The following TGFBR3 variants were observed in gnomAD, a reference collection of about 807,000 sequenced individuals.
TGFBR3 encodes transforming growth factor beta receptor type 3.
TGFBR3 carries 46 observed loss-of-function variants against 87.9 expected under a neutral mutation model. The observed-to-expected ratio is 0.52, with a 90% CI of 0.41 to 0.67. TGFBR3 has a LOEUF of 0.67. Ranked by LOEUF, TGFBR3 falls within the 30% of genes least tolerant of loss-of-function variation. The pLI, the probability that TGFBR3 is intolerant of heterozygous loss-of-function variation, is 0.00. For synonymous variants in TGFBR3, 381 were observed against 391.6 expected (o/e 0.97, Z 0.32); for missense variants, 866 against 1,041.9 (o/e 0.83, Z 2.32).
chr1:91,730,089 A>C, intron 5 of TGFBR3, 116 bp from the exon 6 acceptor site: 11 of 1,172,186 alleles, frequency 9.4e-6, no homozygotes, highest in Non-Finnish European at 1.3e-5. Flanking sequence ...CCACGAGCTC[A>C]AAGGATGGTT....
chr1:91,894,313 T>C (rs1222393457), intron 2 of TGFBR3, among the ~76,000 whole-genome samples: 3 of 152,196 alleles, frequency 2.0e-5, no homozygotes, highest in Non-Finnish European at 2.9e-5. Flanking sequence ...CTCAGATTTC[T>C]TTCTTTCCTG....
At chr1:91,720,355 T>C in intron 8 of TGFBR3, 125 bp from the exon 9 acceptor site, 1 of 911,812 alleles carries the variant, frequency 1.1e-6, no homozygotes, top group Admixed American at 2.0e-5. Flanking sequence ...TAATAAGCAG[T>C]GCATAAAGGT....
At chr1:91,886,297 TCCTCCCGCCTCCCG>T (rs778643634), upstream of TGFBR3, 9 of 394,242 alleles carry the variant, frequency 2.3e-5, no homozygotes, top group Non-Finnish European at 3.5e-5. Context: ...CAGAAACTCC[TCCTCCCGCCTCCCG>T]CCTCCCGCCT....
At chr1:91,750,472 C>T (rs1673499527) in intron 4 of TGFBR3, among the ~76,000 whole-genome samples, 1 of 152,068 alleles carries the variant, frequency 6.6e-6, no homozygotes, top group South Asian at 2.1e-4. Context: ...TTGACTGACC[C>T]TAGTTCATGA....
intron 2 of TGFBR3, among the ~76,000 whole-genome samples, chr1:91,897,713 A>C (rs2101343393): frequency 6.6e-6 from 1 of 152,346 alleles, no homozygotes; most frequent in South Asian, 2.1e-4. Flanking sequence ...CGAAATGTGC[A>C]CAACATACCA....
chr1:91,763,196 G>A (rs542888959), intron 3 of TGFBR3, among the ~76,000 whole-genome samples: 1 of 152,338 alleles, frequency 6.6e-6, no homozygotes, highest in South Asian at 2.1e-4. Context: ...TAATATAGAT[G>A]CAAGGCATTT....
intron 2 of TGFBR3, among the ~76,000 whole-genome samples, chr1:91,895,473 C>G (rs2101339451): frequency 6.6e-6 from 1 of 152,104 alleles, no homozygotes; most frequent in African/African-American, 2.4e-5. Context: ...TTATAAATTA[C>G]CCAGTATCAG....
intron 4 of TGFBR3, among the ~76,000 whole-genome samples, chr1:91,739,778 C>T (rs1673093185): frequency 6.6e-6 from 1 of 152,196 alleles, no homozygotes; most frequent in Non-Finnish European, 1.5e-5. Flanking sequence ...GTTTAATTGG[C>T]TCATGGTTCC....
At chr1:91,756,832 T>G (rs1673763634) in intron 4 of TGFBR3, among the ~76,000 whole-genome samples, 1 of 152,212 alleles carries the variant, frequency 6.6e-6, no homozygotes, top group Non-Finnish European at 1.5e-5. Flanking sequence ...TTTTAAAACC[T>G]TGCCACATTT....
intron 2 of TGFBR3, among the ~76,000 whole-genome samples, chr1:91,798,063 A>G (rs948907602): frequency 6.6e-6 from 1 of 152,204 alleles, no homozygotes; most frequent in Non-Finnish European, 1.5e-5. Flanking sequence ...GAAAAAGTAG[A>G]GTGCTGGTCA....
chr1:91,742,492 A>G lies in TGFBR3; in HGVS notation c.385-7533T>C, dbSNP rs541069351. ...TGCCCAGGAAATGAGCTTTTGGCCAAGCTTTAAAGCTAATGATTTGATTTT... is the reference window on the plus strand; with the variant it reads ...TGCCCAGGAAATGAGCTTTTGGCCAGGCTTTAAAGCTAATGATTTGATTTT... On this transcript the variant is annotated intron_variant, in intron 4 of 16. Transcript: ENST00000212355. Among the ~76,000 whole-genome samples the G allele has an allele frequency of 3.9e-5, 6 of 152,350 alleles. No homozygotes were observed. In the East Asian group the frequency reaches 1.2e-3, roughly 29 times the overall value.
At chr1:91,765,251 C>T (rs919131538) in intron 3 of TGFBR3, among the ~76,000 whole-genome samples, 1 of 148,778 alleles carries the variant, frequency 6.7e-6, no homozygotes, top group African/African-American at 2.5e-5. Flanking sequence ...TTTCTGCATC[C>T]TTAGGCCTAG....
intron 3 of TGFBR3, among the ~76,000 whole-genome samples, chr1:91,782,864 GA>G (rs1674825035): frequency 6.6e-6 from 1 of 152,162 alleles, no homozygotes; most frequent in African/African-American, 2.4e-5. Flanking sequence ...CTGGGAGGGG[GA>G]CTCACCTTTT....
intron 13 of TGFBR3, 75 bp from the exon 14 acceptor site, chr1:91,708,858 G>A (rs2038931): frequency 0.13 from 199,480 of 1,582,730 alleles, 15,541 homozygotes; most frequent in East Asian, 0.41. Flanking sequence ...CTGCACAGCT[G>A]TCCTGTGGCC....
chr1:91,828,018 G>A (rs1039271558), intron 2 of TGFBR3, among the ~76,000 whole-genome samples: 1 of 152,126 alleles, frequency 6.6e-6, no homozygotes, highest in African/African-American at 2.4e-5. Context: ...CAGACTGTCC[G>A]GAACATTATC....
chr1:91,732,205 C>T (rs7512284), intron 5 of TGFBR3, among the ~76,000 whole-genome samples: 1 of 151,892 alleles, frequency 6.6e-6, no homozygotes, highest in Non-Finnish European at 1.5e-5. Context: ...GAAACTGAGG[C>T]TCTGGTGGTA....
intron 2 of TGFBR3, among the ~76,000 whole-genome samples, chr1:91,823,902 G>C (rs187344044): frequency 7.9e-5 from 12 of 152,198 alleles, no homozygotes; most frequent in African/African-American, 2.9e-4. Flanking sequence ...GGCCAAGGTG[G>C]GAGGGTTGCT....
upstream of TGFBR3, among the ~76,000 whole-genome samples, chr1:91,888,769 A>G (rs1161429730): frequency 2.0e-5 from 3 of 152,230 alleles, no homozygotes; most frequent in Non-Finnish European, 2.9e-5. Flanking sequence ...CTGGTAGATA[A>G]TTTAGGAGTG....
chr1:91,867,881 G>T (rs1319970176), intron 1 of TGFBR3, among the ~76,000 whole-genome samples: 1 of 152,098 alleles, frequency 6.6e-6, no homozygotes, highest in Non-Finnish European at 1.5e-5. Context: ...TATAGGCATG[G>T]TACCTAAAAC....
Sources: gnomAD v4.1 joint callset for allele counts (sites outside exome capture counted in the v4.1 genomes callset) on GRCh38, gnomAD v4.1.1 for gene constraint, MANE v1.5 for transcripts, NCBI Gene and HGNC (gene_info 2026-07-23, HGNC 2026-07-21) for gene names.